KLF8: variants seen among roughly 807,000 people sequenced by gnomAD.
The protein encoded by KLF8 is Krueppel-like factor 8.
KLF8 carries 10 observed loss-of-function variants against 18.2 expected under a neutral mutation model. The observed-to-expected ratio is 0.55, with a 90% CI of 0.34 to 0.93. KLF8 has a LOEUF of 0.93. Among genes scored for constraint, KLF8 ranks in the 40% least tolerant of loss-of-function variants. KLF8 has a pLI of 0.02. For synonymous variants in KLF8, 109 were observed against 97.3 expected (o/e 1.12, Z -0.71); for missense variants, 264 against 277.9 (o/e 0.95, Z 0.36).
chrX:55,998,036 A>C, the KLF8 span, among the ~76,000 whole-genome samples: 2 of 111,855 alleles, frequency 1.8e-5, no homozygotes, highest in African/African-American at 6.5e-5. Flanking sequence ...ACGTGAACAA[A>C]GGTCTTTGCA....
the KLF8 span, among the ~76,000 whole-genome samples, chrX:56,184,139 G>A: frequency 2.7e-5 from 3 of 112,227 alleles, no homozygotes; most frequent in Non-Finnish European, 3.8e-5. Flanking sequence ...GGTGACAGAC[G>A]GCACCTGGAA....
At chrX:56,085,257 AC>A in the KLF8 span, among the ~76,000 whole-genome samples, 67 of 111,327 alleles carry the variant, frequency 6.0e-4, no homozygotes, top group Non-Finnish European at 1.0e-3. Context: ...GGGGAGATAC[AC>A]ACACACACCC....
the KLF8 span, among the ~76,000 whole-genome samples, chrX:56,013,258 T>A: frequency 8.9e-6 from 1 of 112,467 alleles, no homozygotes. Context: ...AGCCCCTTCG[T>A]TTTGGCCAAT....
At chrX:56,058,302 A>ATACATATATATATATATG in the KLF8 span, among the ~76,000 whole-genome samples, 67 of 66,453 alleles carry the variant, frequency 1.0e-3, no homozygotes, top group African/African-American at 4.4e-3. Flanking sequence ...ATATATATAT[A>ATACATATATATATATATG]TATATATATA....
chrX:56,079,353 G>A, the KLF8 span, among the ~76,000 whole-genome samples: 3 of 110,660 alleles, frequency 2.7e-5, no homozygotes, highest in East Asian at 2.8e-4. Context: ...CTTTGTTCTC[G>A]TTGGTTTCAA....
the KLF8 span, among the ~76,000 whole-genome samples, chrX:55,944,686 T>C: frequency 9.9e-5 from 11 of 111,421 alleles, no homozygotes; most frequent in African/African-American, 3.6e-4. Context: ...ATCCCCTTTA[T>C]CATTTTTTAT....
In KLF8 at chrX:56,284,424, C is replaced by T. The variant is rs756805881; in HGVS notation, c.1010C>T (p.Thr337Ile). The T allele has an allele frequency of 2.5e-6, 3 of 1,208,862 alleles. No individual in the cohort carries two copies. In the Admixed American group the frequency reaches 6.6e-5, roughly 27 times the overall value. ...KHTGIKPFRC[T>I]DCNRSFSRSD... Reference sequence around the variant, plus strand: ...ACAGGCATCAAGCCTTTTCGGTGCACAGACTGCAACCGCAGCTTTTCTCGT... The same window carrying T: ...ACAGGCATCAAGCCTTTTCGGTGCATAGACTGCAACCGCAGCTTTTCTCGT... Residue 337 changes from threonine to isoleucine, a missense_variant, in exon 6 of 6, where the codon ACA becomes ATA. Physicochemically the swap from Thr to Ile is moderately conservative, Grantham distance 89. Coordinates refer to ENST00000468660, the MANE Select transcript of KLF8 (RefSeq NM_007250.5).
intron 4 of KLF8, 73 bp from the exon 5 acceptor site, chrX:56,270,109 A>G (rs2067031556): frequency 8.9e-6 from 9 of 1,012,120 alleles, no homozygotes; most frequent in Middle Eastern, 2.6e-4. Flanking sequence ...TGTGGCACCA[A>G]TGAATGTAAA....
the KLF8 span, among the ~76,000 whole-genome samples, chrX:55,952,798 C>T: frequency 8.9e-6 from 1 of 111,927 alleles, no homozygotes; most frequent in Non-Finnish European, 1.9e-5. Context: ...TACTTATGTC[C>T]TCTATAACAC....
the KLF8 span, among the ~76,000 whole-genome samples, chrX:55,935,431 T>G: frequency 8.9e-6 from 1 of 112,200 alleles, no homozygotes; most frequent in Non-Finnish European, 1.9e-5. Context: ...AGATATCAAG[T>G]GATTTGTATG....
At chrX:55,933,811 C>A in the KLF8 span, among the ~76,000 whole-genome samples, 24,150 of 111,110 alleles carry the variant, frequency 0.22, 5,420 homozygotes, top group African/African-American at 0.69. Flanking sequence ...ATTCTCCTTT[C>A]TACTTACCAA....
the KLF8 span, among the ~76,000 whole-genome samples, chrX:56,085,025 AG>A: frequency 2.1e-3 from 232 of 111,933 alleles, no homozygotes; most frequent in Middle Eastern, 4.6e-3. Flanking sequence ...ATACTTAAGA[AG>A]AAGCCTTTAT....
the KLF8 span, among the ~76,000 whole-genome samples, chrX:56,199,712 C>T: frequency 6.3e-5 from 7 of 111,289 alleles, no homozygotes; most frequent in Non-Finnish European, 1.1e-4. Context: ...ACCATTTGGC[C>T]CAGCAATTCC....
the KLF8 span, among the ~76,000 whole-genome samples, chrX:56,052,695 T>A: frequency 2.7e-5 from 3 of 112,064 alleles, no homozygotes; most frequent in African/African-American, 9.7e-5. Context: ...GACATTTAAG[T>A]CTGCAGAGGT....
At chrX:55,914,167 G>A in the KLF8 span, among the ~76,000 whole-genome samples, 1 of 111,753 alleles carries the variant, frequency 8.9e-6, no homozygotes, top group African/African-American at 3.3e-5. Flanking sequence ...ATGATCTGCA[G>A]CTTTGGTTTA....
intron 5 of KLF8, among the ~76,000 whole-genome samples, chrX:56,272,990 C>A (rs2067075854): frequency 9.0e-6 from 1 of 111,030 alleles, no homozygotes; most frequent in African/African-American, 3.3e-5. Context: ...CCAGAAAAAT[C>A]TTCCCTAAAC....
chrX:55,908,292 C>G, the KLF8 span: 1 of 272,805 alleles, frequency 3.7e-6, no homozygotes, highest in Non-Finnish European at 6.4e-6. Context: ...CAGAAAGGTC[C>G]GGGGTATTGT....
At chrX:55,973,071 T>C in the KLF8 span, among the ~76,000 whole-genome samples, 74 of 112,347 alleles carry the variant, frequency 6.6e-4, no homozygotes, top group Non-Finnish European at 1.1e-3. Context: ...ACACCTGCAA[T>C]CATTTGATCT....
chrX:56,182,467 C>T, the KLF8 span, among the ~76,000 whole-genome samples: 1 of 112,449 alleles, frequency 8.9e-6, no homozygotes, highest in Non-Finnish European at 1.9e-5. Context: ...ACTTCTGTTA[C>T]CTCATCAAAG....
Sources: gnomAD v4.1 joint callset for allele counts (sites outside exome capture counted in the v4.1 genomes callset) on GRCh38, gnomAD v4.1.1 for gene constraint, MANE v1.5 for transcripts, NCBI Gene and HGNC (gene_info 2026-07-23, HGNC 2026-07-21) for gene names.